The following GSN variants were observed in gnomAD, a reference collection of about 807,000 sequenced individuals.
The protein encoded by GSN is actin-depolymerizing factor.
A neutral mutation model predicts 85.7 loss-of-function variants in GSN; 56 were observed. The ratio of observed to expected loss-of-function variants is 0.65; its 90% CI spans 0.53 to 0.82. The LOEUF (loss-of-function observed/expected upper bound fraction) is 0.82, where lower values mean the gene tolerates loss of function less well. Among genes scored for constraint, GSN ranks in the 40% least tolerant of loss-of-function variants. The pLI is 0.00. For synonymous variants in GSN, 373 were observed against 399.1 expected (o/e 0.93, Z 0.78); for missense variants, 857 against 979.8 (o/e 0.87, Z 1.67).
chr9:121,289,173 T>G (rs778913345), intron 2 of GSN, among the ~76,000 whole-genome samples: 3 of 151,944 alleles, frequency 2.0e-5, no homozygotes, highest in Non-Finnish European at 2.9e-5. Context: ...TTTTTTTTCT[T>G]TTTTTTCTTT....
intron 6 of GSN, among the ~76,000 whole-genome samples, chr9:121,249,557 T>C (rs1044584690): frequency 6.6e-6 from 1 of 152,202 alleles, no homozygotes; most frequent in African/African-American, 2.4e-5. Context: ...AACATGTCCT[T>C]ATCATCCCTT....
intron 4 of GSN, among the ~76,000 whole-genome samples, chr9:121,307,373 A>T (rs1016104835): frequency 2.6e-5 from 4 of 152,194 alleles, no homozygotes; most frequent in Admixed American, 2.0e-4. Context: ...CTTGTCTCCG[A>T]GGAATCAATA....
chr9:121,216,260 A>G (rs111884090), intron 4 of GSN, among the ~76,000 whole-genome samples: 45 of 152,000 alleles, frequency 3.0e-4, no homozygotes, highest in Admixed American at 5.9e-4. Context: ...TCACTTTTCA[A>G]CTCCTGCCTC....
At chr9:121,242,043 A>G (rs12002048) in intron 5 of GSN, among the ~76,000 whole-genome samples, 289 of 152,306 alleles carry the variant, frequency 1.9e-3, no homozygotes, top group African/African-American at 6.8e-3. Flanking sequence ...TTGGGTTCCA[A>G]AATCCATCAG....
intron 2 of GSN, among the ~76,000 whole-genome samples, chr9:121,292,785 C>T (rs148306596): frequency 6.6e-6 from 1 of 152,314 alleles, no homozygotes; most frequent in Non-Finnish European, 1.5e-5. Flanking sequence ...AGAGACTCCG[C>T]AGGCACTCCT....
chr9:121,288,814 T>G (rs1015305921), intron 2 of GSN, among the ~76,000 whole-genome samples: 1 of 145,554 alleles, frequency 6.9e-6, no homozygotes, highest in Admixed American at 6.7e-5. Context: ...ATTCAAGAGA[T>G]AGTACATGGT....
chr9:121,230,636 C>G (rs2054369508), intron 4 of GSN, among the ~76,000 whole-genome samples: 1 of 152,116 alleles, frequency 6.6e-6, no homozygotes, highest in South Asian at 2.1e-4. Flanking sequence ...CTTGTTGAAT[C>G]CCAGACTTTT....
chr9:121,324,660 C>T lies in GSN; in HGVS notation c.1416+16C>T, dbSNP rs116723395. The T allele has an allele frequency of 4.5e-4, 601 of 1,321,738 alleles. 3 individuals are homozygous for T. In the African/African-American group the frequency reaches 7.7e-3, roughly 17 times the overall value. 81.9% of individuals were successfully genotyped at this position (1,321,738 alleles called of 1,614,324 possible). A position where few individuals can be genotyped will look rare whatever the true frequency, so the allele number is the denominator to read the frequency against. ...CCCTGTCCAGGTGAGCCCAGCCCAC[C>T]GCCTCTCTGGGCTGCAGCCTGAGCC... On this transcript the variant is annotated intron_variant, in intron 12 of 17. Transcript: ENST00000432226.
chr9:121,231,761 G>T (rs888528450), intron 5 of GSN, among the ~76,000 whole-genome samples: 3 of 152,040 alleles, frequency 2.0e-5, no homozygotes, highest in African/African-American at 7.2e-5. Context: ...AGAAGGGAAA[G>T]ATGGGAAAAA....
intron 4 of GSN, among the ~76,000 whole-genome samples, chr9:121,224,342 G>T (rs1279903504): frequency 2.0e-5 from 3 of 151,012 alleles, no homozygotes; most frequent in Non-Finnish European, 4.4e-5. Flanking sequence ...CTTGTGATCT[G>T]CCTGCCTCGG....
At chr9:121,324,491 G>A (rs536791735) in intron 11 of GSN, 63 bp from the exon 12 acceptor site, 3 of 837,042 alleles carry the variant, frequency 3.6e-6, no homozygotes, top group Middle Eastern at 2.7e-4. Flanking sequence ...CTCAGACTCA[G>A]GGCAAGGGAG....
intron 6 of GSN, among the ~76,000 whole-genome samples, chr9:121,250,114 A>T (rs2054787087): frequency 6.6e-6 from 1 of 151,798 alleles, no homozygotes; most frequent in Non-Finnish European, 1.5e-5. Flanking sequence ...ACATTTGTCT[A>T]CAGATGCTGT....
chr9:121,251,187 C>CTTTTTTTTTTTTTTTTTTTTTTTT lies in GSN; in HGVS notation c.-341+2877_-341+2878insTTTTTTTTTTTTTTTTTTTTTTTT, dbSNP rs58231680. Among the ~76,000 whole-genome samples the CTTTTTTTTTTTTTTTTTTTTTTTT allele has an allele frequency of 4.1e-4, 30 of 73,032 alleles. 6 individuals carry two copies. Among genetic ancestry groups the CTTTTTTTTTTTTTTTTTTTTTTTT allele is most frequent in the African/African-American group, 7.2e-4 (11 of 15,370 alleles). 47.9% of individuals were successfully genotyped at this position (73,032 alleles called of 152,430 possible). A position where few individuals can be genotyped will look rare whatever the true frequency, so the allele number is the denominator to read the frequency against. On this transcript the variant is annotated intron_variant, in intron 6 of 24. Transcript: ENST00000373823. ...ATAACATACCTACAGCTGATGTGTT[C>CTTTTTTTTTTTTTTTTTTTTTTTT]TTTTTTTTTTTTTGAGATGGATTCT...
intron 2 of GSN, chr9:121,282,528 T>C (rs565757057): frequency 1.6e-6 from 2 of 1,253,370 alleles, no homozygotes; most frequent in East Asian, 6.3e-5. Context: ...CAGCCGGAGC[T>C]GTTCCTCTTT....
At chr9:121,263,888 C>CAAAA (rs34342246), upstream of GSN, among the ~76,000 whole-genome samples, 4 of 70,536 alleles carry the variant, frequency 5.7e-5, no homozygotes, top group Non-Finnish European at 8.0e-5. Context: ...AACTCCATCT[C>CAAAA]AAAAAAAAAA....
In GSN at chr9:121,326,639, TC is replaced by T. The variant is rs1467681704; in HGVS notation, c.1546del (p.Gln516ArgfsTer22). 3.1e-6 allele frequency: 5 copies of T among 1,608,218 alleles called. No individual in the cohort carries two copies. The highest frequency in any genetic ancestry group is 1.7e-6 in the Non-Finnish European group (2 of 1,177,158). On this transcript the variant is annotated frameshift_variant, in exon 13 of 18. Transcript: ENST00000432226. LOFTEE classifies it high-confidence loss of function. ...GQTAPASTRL[F>X]QVRANSAGAT... is the part of the protein sequence containing the mutation. ...ACAGCCCCTGCCAGCACCCGCCTCT[TC>T]CAGGTCCGCGCCAACAGCGCTGGAG... is the stretch of plus-strand genomic sequence containing the variant.
intron 1 of GSN, 159 bp from the exon 2 acceptor site, chr9:121,281,311 C>A: frequency 7.0e-6 from 2 of 286,962 alleles, no homozygotes; most frequent in South Asian, 3.3e-5. Flanking sequence ...GGTCTTGCAG[C>A]CTTGGCAGGT....
At chr9:121,327,134 A>C (rs186688773) in intron 13 of GSN, 174 bp from the exon 14 acceptor site, 1 of 755,302 alleles carries the variant, frequency 1.3e-6, no homozygotes, top group Non-Finnish European at 2.4e-6. Flanking sequence ...TTAGTGACTC[A>C]TGGGAGTCAA....
chr9:121,269,719 C>T (rs1003346414), intron 1 of GSN, among the ~76,000 whole-genome samples: 1 of 152,164 alleles, frequency 6.6e-6, no homozygotes, highest in Non-Finnish European at 1.5e-5. Flanking sequence ...AGTTACACAG[C>T]AGCAAAGAAG....
Sources: allele counts gnomAD v4.1 joint callset (sites outside exome capture counted in the v4.1 genomes callset), GRCh38; gene constraint gnomAD v4.1.1; transcripts MANE v1.5; gene names NCBI Gene and HGNC (gene_info 2026-07-23, HGNC 2026-07-21).